SPAG16: variants seen among roughly 807,000 people sequenced by gnomAD.
SPAG16 encodes sperm-associated antigen 16 protein.
In SPAG16, 86 loss-of-function variants were observed where a neutral mutation model predicts 80.4. The observed-to-expected ratio is 1.07, with a 90% CI of 0.90 to 1.28. The LOEUF (loss-of-function observed/expected upper bound fraction) is 1.28, where lower values mean the gene tolerates loss of function less well. SPAG16 is among the 50% of genes most tolerant of loss of function. SPAG16 has a pLI of 0.00. For missense variants in SPAG16, 870 were observed against 765.3 expected (o/e 1.14, Z -1.61); for synonymous variants, 294 against 265.9 (o/e 1.11, Z -1.03).
chr2:214,196,777 G>T (rs189501180), intron 15 of SPAG16, among the ~76,000 whole-genome samples: 29 of 152,108 alleles, frequency 1.9e-4, no homozygotes, highest in African/African-American at 7.0e-4. Context: ...TACTAATTTA[G>T]CTGAGCTAAG....
chr2:213,955,237 T>C (rs1012943406), intron 12 of SPAG16, among the ~76,000 whole-genome samples: 4 of 152,148 alleles, frequency 2.6e-5, no homozygotes, highest in African/African-American at 9.7e-5. Context: ...TAAGAAGTCA[T>C]TACCAAACAC....
intron 15 of SPAG16, among the ~76,000 whole-genome samples, chr2:214,271,636 C>T (rs1402543751): frequency 1.3e-5 from 2 of 152,002 alleles, no homozygotes; most frequent in East Asian, 1.9e-4. Context: ...CCTGTCTCTA[C>T]TAAAAATACA....
At chr2:213,858,538 G>A (rs574572621) in intron 10 of SPAG16, among the ~76,000 whole-genome samples, 145 of 152,140 alleles carry the variant, frequency 9.5e-4, no homozygotes, top group Non-Finnish European at 1.7e-3. Flanking sequence ...TATATGTACT[G>A]GGAAACCAAA....
Position 213,809,105 on chromosome 2 carries a change from A to G in SPAG16, c.1071-53380A>G, listed in dbSNP as rs79085590. Among the ~76,000 whole-genome samples the G allele has an allele frequency of 2.4e-4, 37 of 152,284 alleles. 1 individual carries two copies. The East Asian group carries it at 7.2e-3, about 29-fold the overall frequency. ...CATGTTTTCATTTTGGTGAAAGAAT[A>G]CCTCACCTCTGTGTGTCTCCCCATT... On this transcript the variant is annotated intron_variant, in intron 10 of 15. Transcript: ENST00000331683.
chr2:213,702,410 C>T (rs1249048185), intron 10 of SPAG16, among the ~76,000 whole-genome samples: 7 of 152,184 alleles, frequency 4.6e-5, no homozygotes, highest in Non-Finnish European at 5.9e-5. Context: ...CATTTATGAG[C>T]TGTAACACTC....
intron 14 of SPAG16, among the ~76,000 whole-genome samples, chr2:214,148,649 A>C (rs1210150678): frequency 9.8e-6 from 1 of 102,246 alleles, no homozygotes; most frequent in Non-Finnish European, 2.0e-5. Flanking sequence ...TTTTTTCTCT[A>C]TTTGAGGTAT....
At chr2:213,572,990 G>C (rs1324041095) in intron 10 of SPAG16, among the ~76,000 whole-genome samples, 3 of 152,122 alleles carry the variant, frequency 2.0e-5, no homozygotes, top group Non-Finnish European at 4.4e-5. Flanking sequence ...GGGTGGGAGT[G>C]ACCCGATTTT....
chr2:213,748,651 A>G (rs2067944342), intron 10 of SPAG16, among the ~76,000 whole-genome samples: 2 of 152,186 alleles, frequency 1.3e-5, no homozygotes, highest in Non-Finnish European at 2.9e-5. Context: ...CGTAAGGACT[A>G]TTATACATAA....
At chr2:213,754,132 C>T (rs1013312521) in intron 10 of SPAG16, among the ~76,000 whole-genome samples, 3 of 152,076 alleles carry the variant, frequency 2.0e-5, no homozygotes, top group Non-Finnish European at 4.4e-5. Context: ...AGATCAAATC[C>T]AATAATCTCT....
chr2:214,354,122 T>G (rs1698607463), intron 15 of SPAG16, among the ~76,000 whole-genome samples: 1 of 146,876 alleles, frequency 6.8e-6, no homozygotes, highest in African/African-American at 2.5e-5. Flanking sequence ...ATACCTACTA[T>G]GTACCCCAAA....
chr2:214,112,168 C>T (rs996891518), intron 14 of SPAG16, among the ~76,000 whole-genome samples: 3 of 152,248 alleles, frequency 2.0e-5, no homozygotes, highest in Non-Finnish European at 2.9e-5. Flanking sequence ...GCACTGTGGT[C>T]TGAGAGACAG....
At chr2:214,228,911 T>G (rs911890488) in intron 15 of SPAG16, among the ~76,000 whole-genome samples, 2 of 151,900 alleles carry the variant, frequency 1.3e-5, no homozygotes, top group Non-Finnish European at 2.9e-5. Flanking sequence ...CTGATTTGAC[T>G]TTCACTAACA....
At chr2:213,738,503 T>C (rs979568165) in intron 10 of SPAG16, among the ~76,000 whole-genome samples, 6 of 152,176 alleles carry the variant, frequency 3.9e-5, no homozygotes, top group African/African-American at 1.4e-4. Flanking sequence ...TTACTATTCT[T>C]GGCATATGAA....
chr2:213,523,635 T>G (rs999419800), intron 10 of SPAG16, among the ~76,000 whole-genome samples: 1 of 152,176 alleles, frequency 6.6e-6, no homozygotes, highest in East Asian at 1.9e-4. Flanking sequence ...TAGAGACTTG[T>G]TGAATGGCTT....
chr2:214,053,475 T>C (rs1322506350), intron 13 of SPAG16, among the ~76,000 whole-genome samples: 2 of 152,166 alleles, frequency 1.3e-5, no homozygotes, highest in Non-Finnish European at 2.9e-5. Flanking sequence ...TAGAAAATTA[T>C]GAGGACTTCT....
chr2:213,624,490 A>G (rs1182575517), intron 10 of SPAG16, among the ~76,000 whole-genome samples: 2 of 152,200 alleles, frequency 1.3e-5, no homozygotes, highest in African/African-American at 4.8e-5. Context: ...AACAGAGTTT[A>G]TAGCCCTGGG....
chr2:214,116,842 C>G (rs982985056), intron 14 of SPAG16, among the ~76,000 whole-genome samples: 3 of 152,142 alleles, frequency 2.0e-5, no homozygotes, highest in African/African-American at 7.2e-5. Flanking sequence ...TCAGGGAACA[C>G]AATTAGTATT....
In SPAG16 at chr2:213,943,682, T is replaced by C. The variant is rs539728731; in HGVS notation, c.1400+13537T>C. On this transcript the variant is annotated intron_variant, in intron 12 of 15. Transcript: ENST00000331683. ...CCTGACTGCTTATAGTAAAGTGTGA[T>C]GAGCAAAAGGAATTGAAGAGAAAGA... Among the ~76,000 whole-genome samples the C allele has an allele frequency of 5.4e-4, 82 of 152,292 alleles. 2 individuals carry two copies. The South Asian group carries it at 0.017, about 31-fold the overall frequency.
chr2:213,473,641 C>G (rs1453102377), intron 9 of SPAG16, among the ~76,000 whole-genome samples: 1 of 152,116 alleles, frequency 6.6e-6, no homozygotes, highest in Non-Finnish European at 1.5e-5. Flanking sequence ...ACTACTAGAA[C>G]CTTTTTTACT....
Sources: gnomAD v4.1 joint callset for allele counts (sites outside exome capture counted in the v4.1 genomes callset) on GRCh38, gnomAD v4.1.1 for gene constraint, MANE v1.5 for transcripts, NCBI Gene and HGNC (gene_info 2026-07-23, HGNC 2026-07-21) for gene names.